The following KIT variants were observed in gnomAD, a reference collection of about 807,000 sequenced individuals.
KIT encodes mast/stem cell growth factor receptor Kit.
A neutral mutation model predicts 105.7 loss-of-function variants in KIT; 16 were observed. The observed-to-expected ratio is 0.15, with a 90% CI of 0.10 to 0.23. The LOEUF (loss-of-function observed/expected upper bound fraction) is 0.23. Ranked by LOEUF, KIT falls within the 10% of genes least tolerant of loss-of-function variation. The probability of loss-of-function intolerance (pLI) is 1.00; values close to 1 mark genes in which losing one functional copy is unlikely to be tolerated. For synonymous variants in KIT, 438 were observed against 441.1 expected (o/e 0.99, Z 0.09); for missense variants, 858 against 1,213.8 (o/e 0.71, Z 4.36).
intron 9 of KIT, among the ~76,000 whole-genome samples, chr4:54,726,642 T>G (rs1032170697): frequency 2.0e-5 from 3 of 152,180 alleles, no homozygotes; most frequent in African/African-American, 7.2e-5. Flanking sequence ...GGGGTTTTGT[T>G]TGTTTGTTTG....
At chr4:54,698,149 T>TG in intron 2 of KIT, 135 bp from the exon 3 acceptor site, 1 of 797,592 alleles carries the variant, frequency 1.3e-6, no homozygotes, top group Non-Finnish European at 2.1e-6. Context: ...GGATAAATTT[T>TG]GCTTTTGTTT....
At position 54,678,350 on chromosome 4, in the gene KIT, T is replaced by TCCTTCCC. The variant is rs1560381400; in HGVS notation, c.68-17162_68-17161insCCTTCCC. Among the ~76,000 whole-genome samples, 4 of 58,924 alleles carry TCCTTCCC rather than the reference T, an allele frequency of 6.8e-5. 1 individual carries two copies. The highest frequency in any genetic ancestry group is 1.2e-4 in the Non-Finnish European group (4 of 33,730). 38.7% of individuals were successfully genotyped at this position (58,924 alleles called of 152,430 possible). A position where few individuals can be genotyped will look rare whatever the true frequency, so the allele number is the denominator to read the frequency against. On this transcript the variant is annotated intron_variant, in intron 1 of 20. Coordinates refer to ENST00000288135, the MANE Select transcript of KIT (RefSeq NM_000222.3). ...CTTCCTTCCTTCCTTCCTTCCTTCC[T>TCCTTCCC]TCCCTCCCTCCCTCCCTCCCTCCCT... is the stretch of plus-strand genomic sequence containing the variant.
intron 1 of KIT, among the ~76,000 whole-genome samples, chr4:54,693,269 T>C (rs1719835379): frequency 6.6e-6 from 1 of 152,218 alleles, no homozygotes; most frequent in Non-Finnish European, 1.5e-5. Context: ...TACTGTGGCA[T>C]CTGCCCTTAG....
chr4:54,710,681 C>CT (rs1203806297), intron 7 of KIT, among the ~76,000 whole-genome samples: 6 of 151,954 alleles, frequency 3.9e-5, no homozygotes, highest in Non-Finnish European at 8.8e-5. Flanking sequence ...GTATCTGGGA[C>CT]TATAGGCATC....
chr4:54,691,764 CGG>C (rs1172703150), intron 1 of KIT, among the ~76,000 whole-genome samples: 1 of 151,354 alleles, frequency 6.6e-6, no homozygotes, highest in Non-Finnish European at 1.5e-5. Flanking sequence ...TGGCGGCTGG[CGG>C]GGAGTCTTTT....
chr4:54,701,555 A>G (rs182874873), intron 4 of KIT, among the ~76,000 whole-genome samples: 1 of 152,144 alleles, frequency 6.6e-6, no homozygotes, highest in East Asian at 1.9e-4. Flanking sequence ...AAACCCTCAC[A>G]TTTTTACTTG....
In KIT at chr4:54,724,477, G is replaced by A. The variant is rs1378257745; in HGVS notation, c.1346+779G>A. ...GGGGTTTAGGAGAGTGTTTTCTTTT[G>A]GGGAATACTAAGTAGGGTTCAAGGC... is the stretch of plus-strand genomic sequence containing the variant. On this transcript the variant is annotated intron_variant, in intron 8 of 20. Transcript: ENST00000288135. 3.9e-5 allele frequency among the ~76,000 whole-genome samples: 6 copies of A among 152,148 alleles called. No homozygotes were observed. In the South Asian group the frequency reaches 1.2e-3, roughly 32 times the overall value.
chr4:54,688,939 T>C (rs1368427897), intron 1 of KIT, among the ~76,000 whole-genome samples: 1 of 152,194 alleles, frequency 6.6e-6, no homozygotes, highest in Non-Finnish European at 1.5e-5. Context: ...GCCTCTTCTT[T>C]GAGTTTTGGT....
At position 54,713,721 on chromosome 4, in the gene KIT, G is replaced by T. The variant is rs899898852; in HGVS notation, c.1231+4182G>T. 2.0e-5 allele frequency among the ~76,000 whole-genome samples: 3 copies of T among 152,184 alleles called. No homozygotes were observed. In the South Asian group the frequency reaches 6.2e-4, roughly 32 times the overall value. ...TCTATTTGTTTTGAAAATTCCACATGTAAATTTCAGTATAGTGAATGTGGG... is the reference window on the plus strand; with the variant it reads ...TCTATTTGTTTTGAAAATTCCACATTTAAATTTCAGTATAGTGAATGTGGG... On this transcript the variant is annotated intron_variant, in intron 7 of 20. Transcript: ENST00000288135.
chr4:54,680,269 T>A (rs1409650957), intron 1 of KIT, among the ~76,000 whole-genome samples: 1 of 151,804 alleles, frequency 6.6e-6, no homozygotes, highest in Middle Eastern at 3.2e-3. Context: ...GTATAAATGT[T>A]AATCAGCCTC....
At position 54,739,952 on chromosome 4, in the gene KIT, C is replaced by T. The variant is rs1723147954; in HGVS notation, c.*1395C>T. On this transcript the variant is annotated 3_prime_UTR_variant, in exon 21 of 21. Coordinates refer to ENST00000288135, the MANE Select transcript of KIT (RefSeq NM_000222.3). ...CTTAGACCTTCCATAATGCTACTGT[C>T]TCACTGAAACATTTAAATTTTACCC... The T allele has an allele frequency of 4.3e-6, 1 of 233,410 alleles. No individual in the cohort carries two copies. Among genetic ancestry groups the T allele is most frequent in the Non-Finnish European group, 8.5e-6 (1 of 117,970 alleles). 14.5% of individuals were successfully genotyped at this position (233,410 alleles called of 1,614,324 possible).
chr4:54,706,525 A>C (rs1720799844), intron 5 of KIT, among the ~76,000 whole-genome samples: 1 of 152,104 alleles, frequency 6.6e-6, no homozygotes, highest in Non-Finnish European at 1.5e-5. Flanking sequence ...TTGCTTCTAA[A>C]AAGCCTAGAA....
At chr4:54,731,258 G>A in intron 14 of KIT, 70 bp from the exon 15 acceptor site, 1 of 1,007,330 alleles carries the variant, frequency 9.9e-7, no homozygotes, top group East Asian at 2.4e-5. Flanking sequence ...TGAGGAGGTA[G>A]AGCATGACCC....
intron 14 of KIT, among the ~76,000 whole-genome samples, chr4:54,730,517 G>A (rs969943451): frequency 3.3e-5 from 5 of 152,104 alleles, no homozygotes; most frequent in South Asian, 2.1e-4. Context: ...TAAAGTGGTA[G>A]TAGAAACTGT....
At chr4:54,729,187 T>A in intron 13 of KIT, 148 bp from the exon 14 acceptor site, 1 of 780,934 alleles carries the variant, frequency 1.3e-6, no homozygotes, top group Non-Finnish European at 2.1e-6. Flanking sequence ...ATAAGCAGTG[T>A]TAATATATGG....
Position 54,738,492 on chromosome 4 carries a change from C to T in KIT, c.2866C>T (p.Arg956Trp), listed in dbSNP as rs587778433. ...GAAGCCCGTGGTAGACCATTCTGTG[C>T]GGATCAATTCTGTCGGCAGCACCGC... ...RQKPVVDHSVRINSVGSTASS... is the reference protein window; with the variant it reads ...RQKPVVDHSVWINSVGSTASS... The change falls in exon 21 of 21, where the codon CGG becomes TGG. Residue 956 changes from arginine (R) to tryptophan (W), a missense_variant. Around this residue, in one of 7 missense-constraint regions of KIT, gnomAD observed 105 missense variants for 103.5 expected, o/e 1.01. Transcript: ENST00000288135. 2.9e-5 allele frequency: 47 copies of T among 1,613,892 alleles called. No individual in the cohort carries two copies. Among genetic ancestry groups the T allele is most frequent in the East Asian group, 8.9e-5 (4 of 44,860 alleles).
intron 20 of KIT, 62 bp from the exon 21 acceptor site, chr4:54,738,367 G>A (rs1302624976): frequency 2.5e-6 from 4 of 1,577,656 alleles, no homozygotes; most frequent in Admixed American, 1.7e-5. Flanking sequence ...CTGTAAGTAT[G>A]CCTTTTGTTG....
intron 3 of KIT, among the ~76,000 whole-genome samples, 177 bp downstream of exon 3, chr4:54,698,742 G>C (rs1215593474): frequency 6.6e-6 from 1 of 152,204 alleles, no homozygotes; most frequent in Admixed American, 6.5e-5. Flanking sequence ...TCCTGACCCC[G>C]TGTGGCAGTT....
chr4:54,665,859 A>G lies in KIT; in HGVS notation c.67+7778A>G, dbSNP rs187741255. 1.4e-4 allele frequency among the ~76,000 whole-genome samples: 21 copies of G among 152,318 alleles called. No homozygotes were observed. The East Asian group carries it at 3.1e-3, about 22-fold the overall frequency. On this transcript the variant is annotated intron_variant, in intron 1 of 20. Coordinates refer to ENST00000288135, the MANE Select transcript of KIT (RefSeq NM_000222.3). ...AAACTAAACCCCAAAGTCACAAAAC[A>G]TGGCTCTATAATATTACGGTAGCAT...
Sources: gnomAD v4.1 joint callset for allele counts (sites outside exome capture counted in the v4.1 genomes callset) on GRCh38, gnomAD v4.1.1 for gene constraint, gnomAD v4.1.1 regional missense constraint, MANE v1.5 for transcripts, NCBI Gene and HGNC (gene_info 2026-07-23, HGNC 2026-07-21) for gene names.